POLA2: variants seen among roughly 807,000 people sequenced by gnomAD.
POLA2 encodes the protein DNA polymerase alpha subunit B.
A neutral mutation model predicts 82.8 loss-of-function variants in POLA2; 47 were observed. The ratio of observed to expected loss-of-function variants is 0.57; its 90% confidence interval spans 0.45 to 0.72. POLA2 has a LOEUF of 0.72. Among genes scored for constraint, POLA2 ranks in the 30% least tolerant of loss-of-function variants. The pLI, the probability that POLA2 is intolerant of heterozygous loss-of-function variation, is 0.00. For synonymous variants in POLA2, 287 were observed against 286.8 expected (o/e 1.00, Z -0.01); for missense variants, 634 against 728.1 (o/e 0.87, Z 1.49).
rs575815196 is a variant in POLA2 at position 65,276,317 on chromosome 11, T to C, written c.461+319T>C. ...AGTCTAAGAGTCTTAACAGGTCTTGTCAGTAGAGGCAAGTAGGTTTCCACC... is the reference window on the plus strand; with the variant it reads ...AGTCTAAGAGTCTTAACAGGTCTTGCCAGTAGAGGCAAGTAGGTTTCCACC... On this transcript the variant is annotated intron_variant, in intron 5 of 17. Coordinates refer to ENST00000265465, the MANE Select transcript of POLA2 (RefSeq NM_002689.4). Among the ~76,000 whole-genome samples, 31 of 152,360 alleles carry C rather than the reference T, an allele frequency of 2.0e-4. No individual in the cohort carries two copies. In the South Asian group the frequency reaches 6.2e-3, roughly 31 times the overall value.
At chr11:65,269,339 T>G (rs1021812432) in intron 4 of POLA2, among the ~76,000 whole-genome samples, 3 of 151,874 alleles carry the variant, frequency 2.0e-5, no homozygotes, top group East Asian at 3.9e-4. Flanking sequence ...AAAAAGAAAT[T>G]AGCCGGGCGT....
chr11:65,289,344 G>A (rs1949730762), intron 12 of POLA2, among the ~76,000 whole-genome samples: 1 of 152,224 alleles, frequency 6.6e-6, no homozygotes, highest in Non-Finnish European at 1.5e-5. Flanking sequence ...GATGCCTGCT[G>A]CTAAGGCACA....
At chr11:65,285,627 G>A (rs1949689297) in intron 10 of POLA2, among the ~76,000 whole-genome samples, 1 of 151,908 alleles carries the variant, frequency 6.6e-6, no homozygotes, top group African/African-American at 2.4e-5. Flanking sequence ...TTTATAGGGG[G>A]CAAGGGTGGC....
intron 4 of POLA2, among the ~76,000 whole-genome samples, chr11:65,273,958 T>C (rs1949548844): frequency 6.6e-6 from 1 of 152,248 alleles, no homozygotes; most frequent in Admixed American, 6.5e-5. Flanking sequence ...AAATCACTTT[T>C]CACCTGAGAC....
In POLA2 at chr11:65,289,006, G is replaced by C. The variant is rs1282091452; in HGVS notation, c.1132-44G>C. 8 of 1,582,258 alleles carry C rather than the reference G, an allele frequency of 5.1e-6. No homozygotes were observed. In the South Asian group the frequency reaches 6.7e-5, roughly 13 times the overall value. The stretch of plus-strand genomic sequence containing the variant: ...TCTGAAGTCATTCACAGACACAAGT[G>C]ATTCTGATTTGTTCTTTTGGTGTCT... On this transcript the variant is annotated intron_variant, in intron 11 of 17. Transcript: ENST00000265465.
chr11:65,282,759 A>T (rs1362803285), intron 10 of POLA2, among the ~76,000 whole-genome samples: 1 of 152,182 alleles, frequency 6.6e-6, no homozygotes, highest in African/African-American at 2.4e-5. Context: ...ATGTTGTTTA[A>T]AGACTAATGT....
intron 1 of POLA2, among the ~76,000 whole-genome samples, chr11:65,263,207 CT>C (rs950610154): frequency 1.3e-5 from 2 of 149,888 alleles, no homozygotes; most frequent in African/African-American, 4.9e-5. Context: ...TGCCCAGTGC[CT>C]TCTCTCTCTC....
At chr11:65,267,915 C>T (rs1949479226) in intron 3 of POLA2, among the ~76,000 whole-genome samples, 1 of 151,990 alleles carries the variant, frequency 6.6e-6, no homozygotes. Flanking sequence ...CCTCAGCCTC[C>T]TGAGTAGCTG....
intron 1 of POLA2, among the ~76,000 whole-genome samples, chr11:65,265,260 T>C (rs533350826): frequency 1.3e-5 from 2 of 152,054 alleles, no homozygotes; most frequent in Admixed American, 1.3e-4. Flanking sequence ...TTGCCATCTT[T>C]AAATATTTCC....
intron 15 of POLA2, among the ~76,000 whole-genome samples, chr11:65,295,105 G>T (rs889249220): frequency 3.9e-5 from 6 of 152,206 alleles, no homozygotes; most frequent in African/African-American, 1.4e-4. Context: ...TTGAGTTGAA[G>T]TTGGGCAGCT....
At chr11:65,305,465 C>T (rs1186113871) in exon 9 of POLA2, 4 of 447,750 alleles carry the variant, frequency 8.9e-6, no homozygotes, top group Non-Finnish European at 1.8e-5. Flanking sequence ...GTGTGGGGGC[C>T]TGGTACCTGG....
rs367571868 is a variant in POLA2 at position 65,275,953 on chromosome 11, C to G, written c.416C>G (p.Thr139Ser). ...ETPLTKRSVSTRSPHQLLSPS... is the reference protein window; with the variant it reads ...ETPLTKRSVSSRSPHQLLSPS... ...CCCCTAACAAAAAGGAGTGTGTCAACTCGTAGCCCCCATCAGCTACTCTCA... is the reference window on the plus strand; with the variant it reads ...CCCCTAACAAAAAGGAGTGTGTCAAGTCGTAGCCCCCATCAGCTACTCTCA... Residue 139 changes from threonine to serine, a missense_variant, in exon 5 of 18, where the codon ACT (threonine) becomes AGT (serine). Coordinates refer to ENST00000265465, the MANE Select transcript of POLA2 (RefSeq NM_002689.4). 2 of 1,608,630 alleles carry G rather than the reference C, an allele frequency of 1.2e-6. No individual in the cohort carries two copies. Among genetic ancestry groups the G allele is most frequent in the East Asian group, 2.2e-5 (1 of 44,532 alleles).
At chr11:65,269,438 G>A (rs2137503448) in intron 4 of POLA2, among the ~76,000 whole-genome samples, 2 of 149,866 alleles carry the variant, frequency 1.3e-5, no homozygotes, top group South Asian at 4.3e-4. Context: ...AGTGAGCCGA[G>A]ATCGCGCTAC....
intron 10 of POLA2, among the ~76,000 whole-genome samples, chr11:65,285,457 A>G (rs1949686446): frequency 6.6e-6 from 1 of 151,822 alleles, no homozygotes; most frequent in South Asian, 2.1e-4. Context: ...AGTCCCAGCA[A>G]CCTGGAAGGC....
At chr11:65,290,113 C>T (rs756221447) in intron 13 of POLA2, among the ~76,000 whole-genome samples, 4 of 151,620 alleles carry the variant, frequency 2.6e-5, no homozygotes, top group Middle Eastern at 6.8e-3. Flanking sequence ...CCAGGCGTGG[C>T]GGTGGGCACC....
At chr11:65,281,627 T>C (rs1169807346) in intron 8 of POLA2, 43 bp from the exon 9 acceptor site, 2 of 1,371,304 alleles carry the variant, frequency 1.5e-6, no homozygotes, top group African/African-American at 2.9e-5. Flanking sequence ...CAGACCTCAT[T>C]GATCTCCACT....
rs753857494 is a variant in POLA2 at position 65,297,106 on chromosome 11, C to T, written c.1648-14C>T. Reference sequence around the variant, plus strand: ...GAGGCTCTCCAAACCTGTCACCTCTCCTCTCCTCCCCAGGATGTCCTCGGC... The same window carrying T: ...GAGGCTCTCCAAACCTGTCACCTCTTCTCTCCTCCCCAGGATGTCCTCGGC... On this transcript the variant is annotated splice_polypyrimidine_tract_variant and intron_variant, in intron 17 of 17. Coordinates refer to ENST00000265465, the MANE Select transcript of POLA2 (RefSeq NM_002689.4). 3 of 1,613,956 alleles carry T rather than the reference C, an allele frequency of 1.9e-6. No individual in the cohort carries two copies. In the East Asian group the frequency reaches 6.7e-5, roughly 36 times the overall value.
intron 4 of POLA2, among the ~76,000 whole-genome samples, chr11:65,273,251 C>T (rs1362635070): frequency 1.2e-4 from 19 of 152,046 alleles, no homozygotes; most frequent in African/African-American, 4.3e-4. Context: ...ACCCAGGAGG[C>T]GGAGGTTACA....
chr11:65,290,023 C>G lies in POLA2; in HGVS notation c.1244+151C>G, dbSNP rs1949738028. 7 of 572,472 alleles carry G rather than the reference C, an allele frequency of 1.2e-5. No homozygotes were observed. In the South Asian group the frequency reaches 1.5e-4, roughly 12 times the overall value. The allele number at this position is 572,472 out of a possible 1,614,324, so 35.5% of individuals were successfully genotyped here. The stretch of plus-strand genomic sequence containing the variant: ...CAGCACTTTGGGAGGCCGAGGCGGG[C>G]ACATCACCTGAGGTCAGGAGTTTGA... On this transcript the variant is annotated intron_variant, in intron 13 of 17. Transcript: ENST00000265465.
Sources: allele counts gnomAD v4.1 joint callset (sites outside exome capture counted in the v4.1 genomes callset), GRCh38; gene constraint gnomAD v4.1.1; transcripts MANE v1.5; gene names NCBI Gene and HGNC (gene_info 2026-07-23, HGNC 2026-07-21).